Variants in DCBLD2 observed in about 807,000 individuals in gnomAD.
The protein encoded by DCBLD2 is discoidin, CUB and LCCL domain-containing protein 2.
DCBLD2 carries 54 observed loss-of-function variants against 86.8 expected under a neutral mutation model. The ratio of observed to expected loss-of-function variants is 0.62; its 90% CI spans 0.50 to 0.78. DCBLD2 has a LOEUF of 0.78. DCBLD2 is among the 30% of genes least tolerant of loss of function. DCBLD2 has a pLI of 0.00. For missense variants in DCBLD2, 908 were observed against 954.2 expected, an observed-to-expected ratio of 0.95 and a Z score of 0.64; for synonymous variants, 354 against 341.3, an observed-to-expected ratio of 1.04 and a Z score of -0.41.
rs79916716 is a variant in DCBLD2, at chr3:98,884,250, C to T, written c.206-2483G>A. On this transcript the variant is annotated intron_variant, in intron 1 of 15. Coordinates refer to ENST00000326840, the MANE Select transcript of DCBLD2 (RefSeq NM_080927.4). ...TTAATCAACATTAAATTTTAGCTATCTTCTATACTTGCTTTCATTTCATAC... is the reference window on the plus strand; with the variant it reads ...TTAATCAACATTAAATTTTAGCTATTTTCTATACTTGCTTTCATTTCATAC... Among the ~76,000 whole-genome samples the T allele has an allele frequency of 3.6e-3, 543 of 152,142 alleles. 5 individuals carry two copies. Among genetic ancestry groups the T allele is most frequent in the African/African-American group, 9.6e-3 (398 of 41,552 alleles).
At chr3:98,838,380 G>A (rs1175764931) in intron 3 of DCBLD2, among the ~76,000 whole-genome samples, 4 of 113,676 alleles carry the variant, frequency 3.5e-5, no homozygotes, top group Admixed American at 1.8e-4. Context: ...GGTCTCGGCC[G>A]GGCAGAGGCG....
intron 3 of DCBLD2, among the ~76,000 whole-genome samples, chr3:98,848,477 T>C (rs1337093111): frequency 6.6e-6 from 1 of 152,196 alleles, no homozygotes; most frequent in Non-Finnish European, 1.5e-5. Flanking sequence ...TTCCTTTGGG[T>C]ATATATCCAG....
rs1377919494 is a variant in DCBLD2 at position 98,812,360 on chromosome 3, C to T, written c.1335G>A (p.Glu445=). The T allele has an allele frequency of 6.2e-7, 1 of 1,613,466 alleles. No homozygotes were observed. ...QWQQKIAMKM[E]LLGCQFIPKG... ...TAGGAATAAACTGACATCCGAGCAG[C>T]TCCATTTTCATGGCAATTTTCTGCT... The change falls in exon 10 of 16, where the codon GAG becomes GAA. Residue 445 remains glutamate (E), a synonymous_variant. Transcript: ENST00000326840.
chr3:98,801,495 G>A (rs72934641), intron 14 of DCBLD2, 105 bp downstream of exon 14: 38,756 of 796,744 alleles, frequency 0.049, 999 homozygotes, highest in African/African-American at 0.068. Flanking sequence ...TAACAGTGTC[G>A]GGGAGTTCAC....
At chr3:98,815,104 G>A (rs1941997668) in intron 9 of DCBLD2, 1 of 152,122 alleles carries the variant, frequency 6.6e-6, no homozygotes, top group South Asian at 2.1e-4. Flanking sequence ...TATAAAGATA[G>A]AGTGAGTGAG....
chr3:98,837,028 G>C (rs1942476707), intron 3 of DCBLD2, among the ~76,000 whole-genome samples: 3 of 62,812 alleles, frequency 4.8e-5, no homozygotes, highest in South Asian at 6.1e-4. Context: ...CCCGGACGGG[G>C]CGGCTGGCCG....
chr3:98,807,984 T>C (rs866355994), intron 13 of DCBLD2, 97 bp downstream of exon 13: 2 of 873,472 alleles, frequency 2.3e-6, no homozygotes, highest in South Asian at 3.2e-5. Context: ...TTACCTTAAC[T>C]CTCACTCTCA....
chr3:98,869,621 C>T (rs908835730), intron 2 of DCBLD2, among the ~76,000 whole-genome samples: 1 of 152,200 alleles, frequency 6.6e-6, no homozygotes, highest in African/African-American at 2.4e-5. Context: ...TGCCAGCGCT[C>T]ATTTAATTTT....
At chr3:98,859,033 G>A (rs35760367) in intron 2 of DCBLD2, among the ~76,000 whole-genome samples, 56,088 of 152,004 alleles carry the variant, frequency 0.37, 11,298 homozygotes, top group East Asian at 0.71. Flanking sequence ...CCCTAATACC[G>A]CACTTTTCCA....
intron 3 of DCBLD2, among the ~76,000 whole-genome samples, chr3:98,848,988 G>A (rs1040832852): frequency 1.3e-5 from 2 of 152,092 alleles, no homozygotes; most frequent in African/African-American, 4.8e-5. Flanking sequence ...TGGCCAACAT[G>A]TAGAAACCCC....
intron 2 of DCBLD2, among the ~76,000 whole-genome samples, chr3:98,866,623 T>C (rs1943151160): frequency 6.6e-6 from 1 of 152,202 alleles, no homozygotes; most frequent in Non-Finnish European, 1.5e-5. Flanking sequence ...GTCTGATGAG[T>C]AGATTGCAAA....
intron 13 of DCBLD2, among the ~76,000 whole-genome samples, chr3:98,803,451 T>C (rs1426938196): frequency 1.3e-5 from 2 of 152,200 alleles, no homozygotes; most frequent in African/African-American, 2.4e-5. Context: ...TGGGCTGAGA[T>C]GATGGGGTTT....
chr3:98,811,478 T>C lies in DCBLD2; in HGVS notation c.1440A>G (p.Lys480=). ...NDLKNTTAPP[K]IAKGRAPKFT... is the part of the protein sequence containing the mutation. Reference sequence around the variant, plus strand: ...TAAAAACAGGCATACCTTTGGCTATTTTTGGAGGGGCTGTAGTGTTTTTGA... The same window carrying C: ...TAAAAACAGGCATACCTTTGGCTATCTTTGGAGGGGCTGTAGTGTTTTTGA... Residue 480 remains lysine (K), a synonymous_variant, in exon 11 of 16, where the codon AAA becomes AAG. Coordinates refer to ENST00000326840, the MANE Select transcript of DCBLD2 (RefSeq NM_080927.4). 1 of 1,613,610 alleles carries C rather than the reference T, an allele frequency of 6.2e-7. No homozygotes were observed. Among genetic ancestry groups the C allele is most frequent in the Non-Finnish European group, 8.5e-7 (1 of 1,179,670 alleles).
intron 13 of DCBLD2, among the ~76,000 whole-genome samples, chr3:98,804,726 A>G (rs991361118): frequency 1.3e-5 from 2 of 152,164 alleles, no homozygotes; most frequent in African/African-American, 2.4e-5. Flanking sequence ...TGTGTCCCAG[A>G]GATTCTGGTA....
chr3:98,880,051 C>T (rs950865088), intron 2 of DCBLD2, among the ~76,000 whole-genome samples: 4 of 152,306 alleles, frequency 2.6e-5, no homozygotes, highest in South Asian at 2.1e-4. Flanking sequence ...CATCCTCAGG[C>T]GATTTGTGTT....
chr3:98,830,549 A>G (rs1942301226), intron 3 of DCBLD2, among the ~76,000 whole-genome samples: 2 of 152,106 alleles, frequency 1.3e-5, no homozygotes, highest in African/African-American at 4.8e-5. Context: ...GTGGTTGCAG[A>G]TATGTGGCCT....
chr3:98,892,479 A>G (rs2028393), intron 1 of DCBLD2, among the ~76,000 whole-genome samples: 54,396 of 151,784 alleles, frequency 0.36, 9,861 homozygotes, highest in Non-Finnish European at 0.38. Context: ...CACTGGGTCA[A>G]TGTGAGGGCC....
At chr3:98,835,861 A>C (rs1942430637) in intron 3 of DCBLD2, among the ~76,000 whole-genome samples, 1 of 149,918 alleles carries the variant, frequency 6.7e-6, no homozygotes, top group African/African-American at 2.5e-5. Flanking sequence ...TCCATATGCT[A>C]CTATAATTAT....
chr3:98,850,682 C>G (rs927472255), intron 2 of DCBLD2, among the ~76,000 whole-genome samples: 1 of 152,046 alleles, frequency 6.6e-6, no homozygotes, highest in African/African-American at 2.4e-5. Context: ...TGTGGACCTC[C>G]AAGGATATCA....
Sources: allele counts gnomAD v4.1 joint callset (sites outside exome capture counted in the v4.1 genomes callset), GRCh38; gene constraint gnomAD v4.1.1; transcripts MANE v1.5; gene names NCBI Gene and HGNC (gene_info 2026-07-23, HGNC 2026-07-21).